The following NDC80 variants were observed in gnomAD, a reference collection of about 807,000 sequenced individuals.
NDC80 encodes the protein kinetochore protein NDC80 homolog.
Under a neutral mutation model 89.3 loss-of-function variants are expected in NDC80, and 69 were observed. That is an observed-to-expected ratio of 0.77 (90% CI 0.64 to 0.94). The LOEUF is 0.94. Ranked by LOEUF, NDC80 falls within the 40% of genes least tolerant of loss-of-function variation. The probability of loss-of-function intolerance (pLI) is 0.00; values close to 1 mark genes in which losing one functional copy is unlikely to be tolerated. For missense variants in NDC80, 593 were observed against 739.6 expected (o/e 0.80, Z 2.30); for synonymous variants, 243 against 255.6 (o/e 0.95, Z 0.47).
chr18:2,612,505 T>C (rs2072750916), intron 16 of NDC80, among the ~76,000 whole-genome samples: 2 of 152,004 alleles, frequency 1.3e-5, no homozygotes, highest in Non-Finnish European at 2.9e-5. Context: ...GCCAGGCTGG[T>C]CTCAAACTCC....
chr18:2,585,925 G>A (rs2072600996), intron 7 of NDC80, among the ~76,000 whole-genome samples: 1 of 152,016 alleles, frequency 6.6e-6, no homozygotes, highest in African/African-American at 2.4e-5. Flanking sequence ...TAAGTCTTAA[G>A]ATATTGCACG....
At chr18:2,607,985 AT>A (rs2072723247) in intron 14 of NDC80, among the ~76,000 whole-genome samples, 1 of 126,182 alleles carries the variant, frequency 7.9e-6, no homozygotes, top group Admixed American at 8.0e-5. Flanking sequence ...ATATATATAT[AT>A]ATATATATAT....
rs556659432 is a variant in NDC80 at position 2,575,058 on chromosome 18, T to G, written c.171T>G (p.Phe57Leu). The change falls in exon 3 of 17, where the codon TTT (phenylalanine) becomes TTG (leucine). Residue 57 changes from phenylalanine (F) to leucine (L), a missense_variant. Physicochemically the swap from Phe to Leu is conservative, Grantham distance 22. Coordinates refer to ENST00000261597, the MANE Select transcript of NDC80 (RefSeq NM_006101.3). ...CATCTGAAAGAAAAGTCTCGCTATT[T>G]GGCAAAAGGTAATTATATTTTTCAT... ...KPTSERKVSL[F>L]GKRTSGHGSR... 1 of 1,606,766 alleles carries G rather than the reference T, an allele frequency of 6.2e-7. No homozygotes were observed. Among genetic ancestry groups the G allele is most frequent in the Admixed American group, 1.7e-5 (1 of 59,716 alleles).
At position 2,608,784 on chromosome 18, in the gene NDC80, C is replaced by G; in HGVS notation, c.1642C>G (p.Gln548Glu). The change falls in exon 15 of 17, where the codon CAG becomes GAG. Residue 548 changes from glutamine (Q) to glutamate (E), a missense_variant. Coordinates refer to ENST00000261597, the MANE Select transcript of NDC80 (RefSeq NM_006101.3). ...GCACCTGCTAGAAAGTACTGTTAAC[C>G]AGGGGCTCAGTGAAGCTATGAATGA... The part of the protein sequence containing the change: ...HKHLLESTVN[Q>E]GLSEAMNELD... 2.5e-6 allele frequency: 4 copies of G among 1,612,758 alleles called. No homozygotes were observed. The highest frequency in any genetic ancestry group is 2.5e-6 in the Non-Finnish European group (3 of 1,179,038).
intron 14 of NDC80, among the ~76,000 whole-genome samples, chr18:2,606,781 T>G (rs982710098): frequency 1.3e-5 from 2 of 152,126 alleles, no homozygotes; most frequent in Non-Finnish European, 2.9e-5. Context: ...TGACTCAGTA[T>G]CCTTGCAAAA....
intron 16 of NDC80, among the ~76,000 whole-genome samples, chr18:2,612,996 G>A (rs1347173912): frequency 6.6e-6 from 1 of 152,170 alleles, no homozygotes; most frequent in Non-Finnish European, 1.5e-5. Context: ...CAGAGAGGGG[G>A]GTTTAGATCT....
intron 5 of NDC80, 39 bp downstream of exon 5, chr18:2,578,180 A>G: frequency 1.3e-6 from 2 of 1,543,298 alleles, no homozygotes; most frequent in Non-Finnish European, 1.8e-6. Flanking sequence ...CATGACTGGC[A>G]CACAGAGATG....
intron 6 of NDC80, chr18:2,582,448 C>T (rs974563975): frequency 1.3e-5 from 2 of 152,130 alleles, no homozygotes; most frequent in Non-Finnish European, 2.9e-5. Context: ...GATGAACAGA[C>T]TCTCTTTTTT....
chr18:2,572,931 T>A, intron 1 of NDC80, 46 bp from the exon 2 acceptor site: 1 of 1,457,190 alleles, frequency 6.9e-7, no homozygotes, highest in Non-Finnish European at 9.5e-7. Context: ...TAATGTACCA[T>A]CTCTGTCTGG....
rs760242654 is a variant in NDC80, at chr18:2,585,177, C to T, written c.644C>T (p.Thr215Ile). The change falls in exon 7 of 17, where the codon ACT (threonine) becomes ATT (isoleucine). Residue 215 changes from threonine to isoleucine, a missense_variant. Thr to Ile is a moderately conservative substitution (Grantham distance 89). Transcript: ENST00000261597. ...GATGGGCAGCCTTGGGGAGAAGAAA[C>T]TGAAGATGGAATTATGCATAATAAG... ...FDDGQPWGEE[T>I]EDGIMHNKLF... The T allele has an allele frequency of 1.1e-5, 18 of 1,612,838 alleles. 2 individuals carry two copies. The highest frequency in any genetic ancestry group is 1.7e-4 in the Middle Eastern group (1 of 6,054).
rs2072739683 is a variant in NDC80, at chr18:2,610,810, T to C, written c.1740T>C (p.Asn580=). 6.3e-7 allele frequency: 1 copy of C among 1,591,598 alleles called. No individual in the cohort carries two copies. Among genetic ancestry groups the C allele is most frequent in the Non-Finnish European group, 8.6e-7 (1 of 1,164,340 alleles). Residue 580 remains asparagine, a synonymous_variant, in exon 16 of 17, where the codon AAT becomes AAC. Coordinates refer to ENST00000261597, the MANE Select transcript of NDC80 (RefSeq NM_006101.3). ...CTGAAGAAAGACGAAAAGTGGGAAA[T>C]AACTTGCAACGTCTGTTAGAGATGG... The part of the protein sequence containing the change: ...TTTEERRKVG[N]NLQRLLEMVA...
intron 15 of NDC80, among the ~76,000 whole-genome samples, chr18:2,609,353 T>C (rs2072730840): frequency 6.6e-6 from 1 of 152,068 alleles, no homozygotes; most frequent in Non-Finnish European, 1.5e-5. Context: ...AAACTGATAT[T>C]GAGGCACAGC....
rs1568015949 is a variant in NDC80, at chr18:2,614,553, AAG to A, written c.1792-1883_1792-1882del. Reference sequence around the variant, plus strand: ...GAAGGAAGGAAGGAAGGAAGGAAGGAAGGAAGGAAGGGAAAGAAAGAAAGAAA... The same window carrying A: ...GAAGGAAGGAAGGAAGGAAGGAAGGAGAAGGAAGGGAAAGAAAGAAAGAAA... On this transcript the variant is annotated intron_variant, in intron 16 of 16. Transcript: ENST00000261597. 3.4e-3 allele frequency: 14 copies of A among 4,072 alleles called. 6 individuals carry two copies. The highest frequency in any genetic ancestry group is 0.017 in the African/African-American group (13 of 762). The allele number at this position is 4,072 out of a possible 1,614,324, so 0.3% of individuals were successfully genotyped here. A position where few individuals can be genotyped will look rare whatever the true frequency, so the allele number is the denominator to read the frequency against.
chr18:2,608,887 TC>T (rs2072728691), intron 15 of NDC80, 57 bp downstream of exon 15: 2 of 1,533,794 alleles, frequency 1.3e-6, no homozygotes, highest in Non-Finnish European at 1.8e-6. Flanking sequence ...ATTTAACAGT[TC>T]CATAAAATTA....
chr18:2,592,311 G>A (rs2072631527), intron 10 of NDC80, among the ~76,000 whole-genome samples: 1 of 151,696 alleles, frequency 6.6e-6, no homozygotes, highest in African/African-American at 2.4e-5. Context: ...TTCATGGCAT[G>A]AGTGGATGAG....
intron 14 of NDC80, among the ~76,000 whole-genome samples, chr18:2,607,653 AT>A (rs1212208702): frequency 2.0e-5 from 3 of 151,906 alleles, no homozygotes; most frequent in Non-Finnish European, 2.9e-5. Flanking sequence ...TGACTTTTTA[AT>A]TTTTTAAAGG....
intron 1 of NDC80, 38 bp from the exon 2 acceptor site, chr18:2,572,939 T>C: frequency 6.5e-7 from 1 of 1,540,608 alleles, no homozygotes; most frequent in African/African-American, 1.4e-5. Flanking sequence ...CATCTCTGTC[T>C]GGAAAGTTTT....
At chr18:2,616,150 G>A (rs1397033668) in intron 16 of NDC80, among the ~76,000 whole-genome samples, 1 of 151,898 alleles carries the variant, frequency 6.6e-6, no homozygotes, top group Non-Finnish European at 1.5e-5. Context: ...TCAGCCTCTT[G>A]CATAGTTGGA....
At chr18:2,607,965 G>GTATATATA (rs3033372) in intron 14 of NDC80, among the ~76,000 whole-genome samples, 5,859 of 67,718 alleles carry the variant, frequency 0.087, 599 homozygotes, top group Admixed American at 0.11. Flanking sequence ...TATATACATA[G>GTATATATA]TATATATATA....
Sources: allele counts gnomAD v4.1 joint callset (sites outside exome capture counted in the v4.1 genomes callset), GRCh38; gene constraint gnomAD v4.1.1; transcripts MANE v1.5; gene names NCBI Gene and HGNC (gene_info 2026-07-23, HGNC 2026-07-21).